ATRX: variants seen among roughly 807,000 people sequenced by gnomAD.
ATRX encodes the protein chromatin remodeler ATRX.
In ATRX, 12 loss-of-function variants were observed where a neutral mutation model predicts 172.6. The observed-to-expected ratio is 0.07, with a 90% confidence interval of 0.04 to 0.11. ATRX has a LOEUF of 0.11. ATRX is among the 10% of genes least tolerant of loss of function. The pLI is 1.00. For missense variants in ATRX, 1,368 were observed against 1,767.4 expected (o/e 0.77, Z 4.05); for synonymous variants, 674 against 594.7 (o/e 1.13, Z -1.94).
rs1557150657 is a variant in ATRX, at chrX:77,697,568, T to C, written c.242+15A>G. On this transcript the variant is annotated intron_variant, in intron 4 of 34. Transcript: ENST00000373344. Reference sequence around the variant, plus strand: ...AAAAAGAAAATAACTTTTTGTCCCTTCAACATCAACCAACCTCTTTGATCG... The same window carrying C: ...AAAAAGAAAATAACTTTTTGTCCCTCCAACATCAACCAACCTCTTTGATCG... 1 of 1,209,067 alleles carries C rather than the reference T, an allele frequency of 8.3e-7. No homozygotes were observed. The highest frequency in any genetic ancestry group is 1.1e-6 in the Non-Finnish European group (1 of 893,781).
intron 27 of ATRX, among the ~76,000 whole-genome samples, chrX:77,583,007 C>T (rs2065881115): frequency 9.0e-6 from 1 of 111,589 alleles, no homozygotes; most frequent in African/African-American, 3.3e-5. Flanking sequence ...CCAGTATTAC[C>T]CTGATAACAA....
intron 23 of ATRX, among the ~76,000 whole-genome samples, chrX:77,600,225 C>T (rs1169250898): frequency 9.0e-6 from 1 of 111,397 alleles, no homozygotes; most frequent in East Asian, 2.8e-4. Context: ...AAAATTATTT[C>T]AAAATAAAAA....
intron 12 of ATRX, among the ~76,000 whole-genome samples, chrX:77,662,930 T>G (rs1185355889): frequency 9.0e-6 from 1 of 111,628 alleles, no homozygotes; most frequent in Admixed American, 9.5e-5. Context: ...CTCCTGACCT[T>G]GTGATCCACC....
chrX:77,573,816 G>A (rs561028297), intron 28 of ATRX, among the ~76,000 whole-genome samples: 1 of 110,881 alleles, frequency 9.0e-6, no homozygotes, highest in African/African-American at 3.3e-5. Context: ...ACAATCCTAG[G>A]CTTTTGTTTC....
chrX:77,687,246 A>C (rs782707436), intron 7 of ATRX, among the ~76,000 whole-genome samples: 1 of 110,789 alleles, frequency 9.0e-6, no homozygotes, highest in Admixed American at 9.6e-5. Flanking sequence ...CTCTACATAA[A>C]AATGTATTAG....
intron 1 of ATRX, among the ~76,000 whole-genome samples, chrX:77,771,368 C>T (rs1405389266): frequency 3.9e-5 from 4 of 103,263 alleles, no homozygotes; most frequent in Middle Eastern, 4.9e-3. Context: ...GGCAAGACTC[C>T]GTCTCAAAAA....
chrX:77,614,552 T>C (rs1452778052), intron 22 of ATRX, among the ~76,000 whole-genome samples: 1 of 112,005 alleles, frequency 8.9e-6, no homozygotes, highest in Non-Finnish European at 1.9e-5. Context: ...AATAATTGCA[T>C]TGCTCTCAAA....
At chrX:77,743,119 A>G (rs2074943878) in intron 1 of ATRX, among the ~76,000 whole-genome samples, 1 of 110,966 alleles carries the variant, frequency 9.0e-6, no homozygotes, top group South Asian at 3.8e-4. Context: ...TTTGAGCACG[A>G]TTAATTGCCC....
rs1430107864 is a variant in ATRX at position 77,638,048 on chromosome X, T to C, written c.4558-1992A>G. On this transcript the variant is annotated intron_variant, in intron 15 of 34. Transcript: ENST00000373344. ...TAAAATTTTAGGCACTTTTTTCTTA[T>C]TTACAATTAAAACTAGTTAACAAAT... is the stretch of plus-strand genomic sequence containing the variant. Among the ~76,000 whole-genome samples the C allele has an allele frequency of 2.7e-5, 3 of 111,112 alleles. No homozygotes were observed. The Admixed American group carries it at 2.9e-4, about 11-fold the overall frequency.
chrX:77,684,900 G>C (rs782118796), intron 8 of ATRX, 39 bp downstream of exon 8: 1 of 1,104,359 alleles, frequency 9.1e-7, no homozygotes, highest in Non-Finnish European at 1.3e-6. Context: ...CCTCCCAAAA[G>C]TAGGAAACAC....
chrX:77,686,253 C>T (rs2071546340), intron 7 of ATRX, among the ~76,000 whole-genome samples: 1 of 112,230 alleles, frequency 8.9e-6, no homozygotes, highest in South Asian at 3.6e-4. Context: ...ATGGATACCC[C>T]ATTTTCCACA....
At position 77,649,225 on chromosome X, in the gene ATRX, A is replaced by T. The variant is rs192120298; in HGVS notation, c.4557+2889T>A. On this transcript the variant is annotated intron_variant, in intron 15 of 34. Transcript: ENST00000373344. ...AAGGAAGGGAGGAAGGAAGGAAGGA[A>T]GGATCAGCAAATGCAATACAATATA... Among the ~76,000 whole-genome samples the T allele has an allele frequency of 8.2e-4, 91 of 111,026 alleles. 1 individual carries two copies. The highest frequency in any genetic ancestry group is 2.6e-3 in the African/African-American group (78 of 30,557).
chrX:77,682,045 C>T lies in ATRX; in HGVS notation c.3211G>A (p.Gly1071Arg), dbSNP rs143621153. ...TCCTCTGAAGAGTCACAACTATCTC[C>T]TTTCCCTGTTGACTTCTCAGCATAA... ...SDYAEKSTGK[G>R]DSCDSSEDKK... The change falls in exon 9 of 35, where the codon GGA (glycine) becomes AGA (arginine). Residue 1071 changes from glycine to arginine, a missense_variant. This residue lies in a region of ATRX where 843 missense variants were observed against 643.1 expected (regional missense o/e 1.31). Coordinates refer to ENST00000373344, the MANE Select transcript of ATRX (RefSeq NM_000489.6). 3.6e-5 allele frequency: 44 copies of T among 1,209,149 alleles called. No individual in the cohort carries two copies. Among genetic ancestry groups the T allele is most frequent in the Non-Finnish European group, 4.8e-5 (43 of 894,716 alleles).
chrX:77,550,608 C>G (rs2064451646), intron 30 of ATRX, among the ~76,000 whole-genome samples: 1 of 111,352 alleles, frequency 9.0e-6, no homozygotes, highest in Non-Finnish European at 1.9e-5. Flanking sequence ...GTTGGAAGTT[C>G]TGGCCAGGGC....
chrX:77,640,903 G>A (rs1343212270), intron 15 of ATRX, among the ~76,000 whole-genome samples: 3 of 111,310 alleles, frequency 2.7e-5, no homozygotes, highest in African/African-American at 9.8e-5. Context: ...ACTTTGTGAG[G>A]CCAGGCAGAG....
rs782089856 is a variant in ATRX at position 77,620,472 on chromosome X, G to C, written c.5195C>G (p.Ser1732Cys). The C allele has an allele frequency of 8.3e-7, 1 of 1,206,275 alleles. No homozygotes were observed. Among genetic ancestry groups the C allele is most frequent in the Non-Finnish European group, 1.1e-6 (1 of 892,120 alleles). ...HILKNEASAV[S>C]KAMNSIRSRR... ...TGATCGTATAGAATTCATAGCTTTA[G>C]AAACAGCAGATGCTTCATTTTTTAG... The change falls in exon 20 of 35, where the codon TCT (serine) becomes TGT (cysteine). Residue 1732 changes from serine to cysteine, a missense_variant. Ser to Cys is a moderately radical substitution (Grantham distance 112, BLOSUM62 -1). Coordinates refer to ENST00000373344, the MANE Select transcript of ATRX (RefSeq NM_000489.6).
At chrX:77,716,323 A>AATATATATATATATAT (rs1292367303) in intron 2 of ATRX, among the ~76,000 whole-genome samples, 1 of 21,025 alleles carries the variant, frequency 4.8e-5, no homozygotes, top group Non-Finnish European at 8.8e-5. Flanking sequence ...AAAAAAAAAA[A>AATATATATATATATAT]ATATATATAT....
At chrX:77,535,216 A>AT (rs1156270964) in intron 30 of ATRX, among the ~76,000 whole-genome samples, 2 of 112,012 alleles carry the variant, frequency 1.8e-5, no homozygotes, top group Non-Finnish European at 3.8e-5. Flanking sequence ...CTTGTATCAG[A>AT]TTTTTTGGTC....
At chrX:77,780,833 T>C (rs1223111086) in intron 1 of ATRX, among the ~76,000 whole-genome samples, 1 of 109,894 alleles carries the variant, frequency 9.1e-6, no homozygotes, top group Non-Finnish European at 1.9e-5. Context: ...CCCAGCTACA[T>C]GGGAGGCTGA....
Sources: allele counts gnomAD v4.1 joint callset (sites outside exome capture counted in the v4.1 genomes callset), GRCh38; gene constraint gnomAD v4.1.1; regional missense constraint gnomAD v4.1.1; transcripts MANE v1.5; gene names NCBI Gene and HGNC (gene_info 2026-07-23, HGNC 2026-07-21).